The following CWC27 variants were observed in gnomAD, a reference collection of about 807,000 sequenced individuals.
CWC27 encodes the protein CWC27 spliceosome associated cyclophilin, also known as spliceosome-associated protein CWC27 homolog.
A neutral mutation model predicts 63.6 loss-of-function variants in CWC27; 47 were observed. The observed-to-expected ratio is 0.74, with a 90% CI of 0.58 to 0.94. The LOEUF is 0.94. Among genes scored for constraint, CWC27 ranks in the 40% least tolerant of loss-of-function variants. The probability of loss-of-function intolerance (pLI) is 0.00; values close to 1 mark genes in which losing one functional copy is unlikely to be tolerated. For missense variants in CWC27, 495 were observed against 554.3 expected (o/e 0.89, Z 1.07); for synonymous variants, 175 against 179.8 (o/e 0.97, Z 0.22).
At chr5:64,924,582 G>GTGGAATCTCCCAGAA in intron 11 of CWC27, among the ~76,000 whole-genome samples, 1 of 152,042 alleles carries the variant, frequency 6.6e-6, no homozygotes, top group Non-Finnish European at 1.5e-5. Flanking sequence ...TGTAGCTCCT[G>GTGGAATCTCCCAGAA]GTGTCAAATT....
intron 11 of CWC27, among the ~76,000 whole-genome samples, chr5:64,968,713 T>C (rs1239809904): frequency 6.6e-6 from 1 of 152,154 alleles, no homozygotes; most frequent in Non-Finnish European, 1.5e-5. Flanking sequence ...TAACAGACAT[T>C]TGGACACTTT....
At chr5:64,829,864 A>C (rs1266231668) in intron 10 of CWC27, among the ~76,000 whole-genome samples, 1 of 149,756 alleles carries the variant, frequency 6.7e-6, no homozygotes, top group Non-Finnish European at 1.5e-5. Flanking sequence ...TCATTGTTCA[A>C]CTCCCACTTA....
Position 64,957,308 on chromosome 5 carries a change from C to T in CWC27, c.1043-14395C>T, listed in dbSNP as rs1358495375. 3.9e-5 allele frequency among the ~76,000 whole-genome samples: 6 copies of T among 152,038 alleles called. No individual in the cohort carries two copies. In the East Asian group the frequency reaches 5.8e-4, roughly 15 times the overall value. On this transcript the variant is annotated intron_variant, in intron 11 of 13. Coordinates refer to ENST00000381070, the MANE Select transcript of CWC27 (RefSeq NM_005869.4). ...TTTTTTTTTTCTTACTGCTACAACA[C>T]GGGGTACATAATTTGTAGTTTCCAC...
chr5:64,897,266 C>T (rs1442548804), intron 11 of CWC27, among the ~76,000 whole-genome samples: 4 of 152,262 alleles, frequency 2.6e-5, no homozygotes, highest in Admixed American at 2.6e-4. Flanking sequence ...AATCATGCTA[C>T]TATAAAGACA....
At chr5:64,899,703 ATAATT>A (rs1164910367) in intron 11 of CWC27, among the ~76,000 whole-genome samples, 1 of 152,236 alleles carries the variant, frequency 6.6e-6, no homozygotes, top group Non-Finnish European at 1.5e-5. Context: ...TTATTGAAGA[ATAATT>A]TAAAGTGAAC....
At chr5:64,946,703 C>T (rs1252612751) in intron 11 of CWC27, among the ~76,000 whole-genome samples, 1 of 150,800 alleles carries the variant, frequency 6.6e-6, no homozygotes, top group Admixed American at 6.6e-5. Context: ...TTAGCTTTTC[C>T]AGTTATAGAA....
rs929067484 is a variant in CWC27 at position 64,774,747 on chromosome 5, T to C, written c.99T>C (p.Ala33=). 3.7e-6 allele frequency: 6 copies of C among 1,608,086 alleles called. No individual in the cohort carries two copies. The highest frequency in any genetic ancestry group is 5.1e-6 in the Non-Finnish European group (6 of 1,177,568). The change falls in exon 2 of 14, where the codon GCT becomes GCC. Residue 33 remains alanine, a synonymous_variant. Transcript: ENST00000381070. ...DIDIELWSKE[A]PKACRNFIQL... ...ACATAGAGTTGTGGTCCAAAGAAGC[T>C]CCTAAAGCTTGCAGAAATTTTATCC...
intron 11 of CWC27, among the ~76,000 whole-genome samples, chr5:64,937,129 T>A (rs968648419): frequency 6.6e-6 from 1 of 152,118 alleles, no homozygotes; most frequent in East Asian, 1.9e-4. Flanking sequence ...TTATTTCTTG[T>A]CTTCTGCTAG....
chr5:64,904,829 C>T (rs1747591751), intron 11 of CWC27, among the ~76,000 whole-genome samples: 1 of 152,158 alleles, frequency 6.6e-6, no homozygotes, highest in African/African-American at 2.4e-5. Flanking sequence ...TATCTTTCAG[C>T]TCATAGGAAT....
chr5:64,987,327 A>G (rs564937371), intron 13 of CWC27, among the ~76,000 whole-genome samples: 2 of 152,204 alleles, frequency 1.3e-5, no homozygotes, highest in Admixed American at 1.3e-4. Context: ...TCATTTCAAG[A>G]CGAATATAGA....
At chr5:64,815,329 A>G (rs1744995960) in intron 10 of CWC27, among the ~76,000 whole-genome samples, 1 of 152,186 alleles carries the variant, frequency 6.6e-6, no homozygotes, top group Non-Finnish European at 1.5e-5. Context: ...CCTGGGATGA[A>G]GGAACAGCTC....
intron 11 of CWC27, among the ~76,000 whole-genome samples, chr5:64,945,885 A>G (rs1748581889): frequency 6.6e-6 from 1 of 152,198 alleles, no homozygotes; most frequent in Non-Finnish European, 1.5e-5. Flanking sequence ...ATGAAAAAGA[A>G]ACTTGCTGCA....
intron 11 of CWC27, among the ~76,000 whole-genome samples, chr5:64,898,969 C>T (rs571536839): frequency 8.7e-4 from 132 of 152,116 alleles, no homozygotes; most frequent in Non-Finnish European, 1.5e-3. Context: ...AGCACTTTCA[C>T]TCTTATCATA....
intron 13 of CWC27, among the ~76,000 whole-genome samples, chr5:64,991,324 T>A (rs1010375756): frequency 6.6e-6 from 1 of 152,178 alleles, no homozygotes; most frequent in Non-Finnish European, 1.5e-5. Flanking sequence ...TACTCTCCAA[T>A]GTCCCTTCAA....
At chr5:64,911,910 TAA>T (rs1371742235) in intron 11 of CWC27, among the ~76,000 whole-genome samples, 2 of 151,666 alleles carry the variant, frequency 1.3e-5, no homozygotes, top group Non-Finnish European at 1.5e-5. Context: ...CCATCTCTAC[TAA>T]AAATACAAAA....
intron 11 of CWC27, among the ~76,000 whole-genome samples, chr5:64,967,447 G>A (rs902512828): frequency 6.6e-6 from 1 of 151,852 alleles, no homozygotes; most frequent in African/African-American, 2.4e-5. Context: ...TATATGGAAA[G>A]GCAAAGGAAC....
rs571596898 is a variant in CWC27, at chr5:65,004,668, T to G, written c.1257-13491T>G. 1.8e-4 allele frequency among the ~76,000 whole-genome samples: 27 copies of G among 150,862 alleles called. No homozygotes were observed. In the South Asian group the frequency reaches 5.4e-3, roughly 30 times the overall value. On this transcript the variant is annotated intron_variant, in intron 13 of 13. Coordinates refer to ENST00000381070, the MANE Select transcript of CWC27 (RefSeq NM_005869.4). Reference sequence around the variant, plus strand: ...CTTAGTTTGTTAAATATCTTTATTTTAAATTCTTTTAGTCATGTCACAATT... The same window carrying G: ...CTTAGTTTGTTAAATATCTTTATTTGAAATTCTTTTAGTCATGTCACAATT...
chr5:64,783,808 A>G (rs747237396), intron 3 of CWC27, 28 bp from the exon 4 acceptor site: 2 of 1,527,042 alleles, frequency 1.3e-6, no homozygotes, highest in Admixed American at 4.1e-5. Flanking sequence ...ATAACTGAGG[A>G]CATTCACTAA....
chr5:64,822,100 A>G (rs1745214496), intron 10 of CWC27, among the ~76,000 whole-genome samples: 1 of 152,200 alleles, frequency 6.6e-6, no homozygotes, highest in Admixed American at 6.5e-5. Flanking sequence ...TTAAAGTTGG[A>G]AAGTTACATG....
Sources: gnomAD v4.1 joint callset for allele counts (sites outside exome capture counted in the v4.1 genomes callset) on GRCh38, gnomAD v4.1.1 for gene constraint, MANE v1.5 for transcripts, NCBI Gene and HGNC (gene_info 2026-07-23, HGNC 2026-07-21) for gene names.